Variants in DNM2 observed in about 807,000 individuals in gnomAD.
DNM2 encodes dynamin 2, also known as dynamin-2.
A neutral mutation model predicts 99.0 loss-of-function variants in DNM2; 15 were observed. That is an observed-to-expected ratio of 0.15 (90% CI 0.10 to 0.23). The LOEUF is 0.23. DNM2 is among the 10% of genes least tolerant of loss of function. DNM2 has a pLI of 1.00. For synonymous variants in DNM2, 525 were observed against 481.2 expected, an observed-to-expected ratio of 1.09 and a Z score of -1.19; for missense variants, 742 against 1,189.4, an observed-to-expected ratio of 0.62 and a Z score of 5.53.
chr19:10,778,071 G>A (rs2071217472), intron 5 of DNM2, among the ~76,000 whole-genome samples: 1 of 149,572 alleles, frequency 6.7e-6, no homozygotes, highest in Middle Eastern at 3.2e-3. Context: ...CGGAGTCTCT[G>A]TTGCCCAGGC....
In DNM2 at chr19:10,812,499, C is replaced by A; in HGVS notation, c.1671+122C>A. 1 of 777,332 alleles carries A rather than the reference C, an allele frequency of 1.3e-6. No homozygotes were observed. Among genetic ancestry groups the A allele is most frequent in the Non-Finnish European group, 2.1e-6 (1 of 484,830 alleles). The allele number at this position is 777,332 out of a possible 1,614,324, so 48.2% of individuals were successfully genotyped here. On this transcript the variant is annotated intron_variant, in intron 15 of 20. Coordinates refer to ENST00000389253, the MANE Select transcript of DNM2 (RefSeq NM_001005361.3). This position sits in a 1 kb window ranked among gnomAD's most constrained non-coding sequence, Gnocchi z 4.0. ...ACTCTGCCCTGAGTCACCATTAGGA[C>A]TGTAACTCGCCGGGCACGGTGGCTC...
chr19:10,794,929 A>AT (rs1355694533), intron 8 of DNM2, among the ~76,000 whole-genome samples: 5 of 151,502 alleles, frequency 3.3e-5, no homozygotes, highest in Non-Finnish European at 5.9e-5. Context: ...GTTTATTTTT[A>AT]TTTTTTTTGA....
chr19:10,793,548 C>G (rs998679525), intron 7 of DNM2, among the ~76,000 whole-genome samples, 172 bp from the exon 8 acceptor site: 2 of 152,206 alleles, frequency 1.3e-5, no homozygotes, highest in African/African-American at 4.8e-5. Context: ...TCGTAGCCAG[C>G]ATTTGCCATT....
At chr19:10,828,753 A>C (rs994914863) in intron 18 of DNM2, among the ~76,000 whole-genome samples, 5 of 151,928 alleles carry the variant, frequency 3.3e-5, no homozygotes, top group African/African-American at 1.2e-4. Context: ...GTGGAACCCT[A>C]TCTCTAAAAA....
chr19:10,783,018 T>C lies in DNM2; in HGVS notation c.747T>C (p.Arg249=), dbSNP rs144331982. The C allele has an allele frequency of 9.9e-6, 16 of 1,614,168 alleles. No individual in the cohort carries two copies. In the East Asian group the frequency reaches 3.6e-4, roughly 36 times the overall value. ...QKDIEGKKDI[R]AALAAERKFF... is the part of the protein sequence containing the mutation. ...ATATTGAGGGCAAGAAGGACATCCG[T>C]GCAGCACTGGCAGCTGAGAGGAAGT... Residue 249 remains arginine, a synonymous_variant, in exon 6 of 21, where the codon CGT becomes CGC. Transcript: ENST00000389253.
intron 16 of DNM2, 115 bp from the exon 17 acceptor site, chr19:10,823,673 G>T: frequency 1.0e-6 from 1 of 978,934 alleles, no homozygotes; most frequent in South Asian, 1.3e-5. Context: ...TGAAGCCTGG[G>T]TTGGGTTTGG....
chr19:10,769,965 G>A (rs1305880879), intron 2 of DNM2, among the ~76,000 whole-genome samples: 1 of 152,216 alleles, frequency 6.6e-6, no homozygotes, highest in Non-Finnish European at 1.5e-5. Flanking sequence ...CAGAATTTCT[G>A]AGTTCCAAGT....
At chr19:10,806,087 A>G in intron 13 of DNM2, 120 bp downstream of exon 13, 1 of 1,249,922 alleles carries the variant, frequency 8.0e-7, no homozygotes, top group Non-Finnish European at 1.2e-6. Context: ...CCTCAGTACC[A>G]GGCCATCTGC....
intron 1 of DNM2, among the ~76,000 whole-genome samples, chr19:10,757,800 C>T (rs191732942): frequency 1.3e-5 from 2 of 152,064 alleles, no homozygotes; most frequent in East Asian, 3.9e-4. Context: ...AAAAAATTAG[C>T]CAGGCATGGT....
chr19:10,718,483 C>T, intron 1 of DNM2, 80 bp downstream of exon 1: 7 of 1,280,902 alleles, frequency 5.5e-6, no homozygotes, highest in Non-Finnish European at 6.9e-6. Flanking sequence ...CGCCGTGCGC[C>T]GCCGGCGTAA....
chr19:10,831,207 T>A lies in DNM2; in HGVS notation c.*160T>A. The A allele has an allele frequency of 7.2e-7, 1 of 1,393,816 alleles. No individual in the cohort carries two copies. Among genetic ancestry groups the A allele is most frequent in the Non-Finnish European group, 9.3e-7 (1 of 1,078,152 alleles). The allele number at this position is 1,393,816 out of a possible 1,614,324, so 86.3% of individuals were successfully genotyped here. ...GGCCCCGGTCCAGGGCCGGCCCCTG[T>A]GCCTGGCTGGACACCGCACTGCGCA... On this transcript the variant is annotated 3_prime_UTR_variant, in exon 21 of 21. Coordinates refer to ENST00000389253, the MANE Select transcript of DNM2 (RefSeq NM_001005361.3). The surrounding 1 kb of genome is among the most constrained non-coding windows in gnomAD (Gnocchi z 4.3).
chr19:10,754,317 G>A (rs901342649), intron 1 of DNM2, among the ~76,000 whole-genome samples: 2 of 150,606 alleles, frequency 1.3e-5, no homozygotes, highest in Non-Finnish European at 3.0e-5. Flanking sequence ...GTGCAGTGGC[G>A]CTATCTCAGC....
chr19:10,821,846 T>C (rs1458936384), intron 16 of DNM2, among the ~76,000 whole-genome samples: 1 of 152,138 alleles, frequency 6.6e-6, no homozygotes, highest in African/African-American at 2.4e-5. Context: ...CCCCGACTTC[T>C]ACTTCTTTGT....
intron 2 of DNM2, among the ~76,000 whole-genome samples, chr19:10,762,520 T>A (rs1273689478): frequency 1.3e-5 from 2 of 152,104 alleles, no homozygotes; most frequent in South Asian, 4.2e-4. Flanking sequence ...ACCACCTTGT[T>A]AGCCTTAAAG....
Position 10,775,677 on chromosome 19 carries a change from GC to G in DNM2, c.386-24del. Reference sequence around the variant, plus strand: ...TGCCTCCCCTCTCCTGGCTCTGAATGCCTTTCCTTCTGGTTTCCCTCCCAGT... The same window carrying G: ...TGCCTCCCCTCTCCTGGCTCTGAATGCTTTCCTTCTGGTTTCCCTCCCAGT... On this transcript the variant is annotated intron_variant, in intron 3 of 20. Transcript: ENST00000389253. The surrounding 1 kb of genome is among the most constrained non-coding windows in gnomAD (Gnocchi z 4.3). 1.2e-6 allele frequency: 2 copies of G among 1,613,892 alleles called. No individual in the cohort carries two copies. Among genetic ancestry groups the G allele is most frequent in the Admixed American group, 3.3e-5 (2 of 60,006 alleles).
intron 2 of DNM2, among the ~76,000 whole-genome samples, chr19:10,768,221 A>G (rs2070862354): frequency 6.6e-6 from 1 of 152,158 alleles, no homozygotes; most frequent in Non-Finnish European, 1.5e-5. Context: ...TGGGAGGCCG[A>G]GGCGGGTAGA....
chr19:10,798,311 C>G lies in DNM2; in HGVS notation c.1336-175C>G, dbSNP rs529672741. On this transcript the variant is annotated intron_variant, in intron 10 of 20. Coordinates refer to ENST00000389253, the MANE Select transcript of DNM2 (RefSeq NM_001005361.3). The stretch of plus-strand genomic sequence containing the variant: ...GTCTCCGGTCCACGGTGCCCCCACT[C>G]TTCTGCTCTTAGCTCCCAGCTGGAC... 1.9e-5 allele frequency: 12 copies of G among 644,610 alleles called. No homozygotes were observed. The South Asian group carries it at 1.9e-4, about 10-fold the overall frequency. The allele number at this position is 644,610 out of a possible 1,614,324, so 39.9% of individuals were successfully genotyped here.
At chr19:10,788,764 T>C (rs1464908670) in intron 7 of DNM2, among the ~76,000 whole-genome samples, 1 of 152,178 alleles carries the variant, frequency 6.6e-6, no homozygotes, top group East Asian at 1.9e-4. Flanking sequence ...GTAAGGGACC[T>C]TGAGGCACTG....
intron 15 of DNM2, among the ~76,000 whole-genome samples, chr19:10,813,248 C>G (rs1023593477): frequency 3.3e-5 from 5 of 152,168 alleles, no homozygotes; most frequent in African/African-American, 1.2e-4. Flanking sequence ...GTGTTGAGTG[C>G]TGAGTCATGG....
Sources: allele counts gnomAD v4.1 joint callset (sites outside exome capture counted in the v4.1 genomes callset), GRCh38; gene constraint gnomAD v4.1.1; non-coding constraint Gnocchi (gnomAD v3.1); transcripts MANE v1.5; gene names NCBI Gene and HGNC (gene_info 2026-07-23, HGNC 2026-07-21).